MAGI2: variants seen among roughly 807,000 people sequenced by gnomAD.
MAGI2 encodes membrane associated guanylate kinase, WW and PDZ domain containing 2.
A neutral mutation model predicts 133.3 loss-of-function variants in MAGI2; 35 were observed. The observed-to-expected ratio is 0.26, with a 90% CI of 0.20 to 0.35. The LOEUF (loss-of-function observed/expected upper bound fraction) is 0.35. MAGI2 is among the 10% of genes least tolerant of loss of function. The pLI is 1.00. For synonymous variants in MAGI2, 729 were observed against 710.6 expected, an observed-to-expected ratio of 1.03 and a Z score of -0.41; for missense variants, 1,636 against 1,863.4, an observed-to-expected ratio of 0.88 and a Z score of 2.25.
chr7:78,237,997 G>A (rs1790731066), intron 10 of MAGI2, among the ~76,000 whole-genome samples: 1 of 152,020 alleles, frequency 6.6e-6, no homozygotes. Context: ...TACCTTCTCC[G>A]TCCTATTTTA....
intron 2 of MAGI2, among the ~76,000 whole-genome samples, chr7:78,630,615 CTGTGT>C (rs1464924597): frequency 1.9e-4 from 29 of 151,856 alleles, no homozygotes; most frequent in Non-Finnish European, 1.6e-4. Context: ...CTGGGTTTCA[CTGTGT>C]TGGCCAGGCT....
chr7:78,626,893 TATATAAA>T (rs1808422038), intron 3 of MAGI2, among the ~76,000 whole-genome samples: 1 of 150,638 alleles, frequency 6.6e-6, no homozygotes, highest in South Asian at 2.1e-4. Context: ...TAGGTGTATA[TATATAAA>T]ATATAAAATA....
At chr7:78,665,751 G>A (rs904799794) in intron 2 of MAGI2, among the ~76,000 whole-genome samples, 2 of 151,942 alleles carry the variant, frequency 1.3e-5, no homozygotes, top group Non-Finnish European at 1.5e-5. Flanking sequence ...AATAATACAT[G>A]GAAAGAATCA....
At chr7:79,323,333 G>T (rs1466076075) in intron 1 of MAGI2, among the ~76,000 whole-genome samples, 1 of 152,204 alleles carries the variant, frequency 6.6e-6, no homozygotes, top group African/African-American at 2.4e-5. Context: ...CAAGGTGGTA[G>T]AAAATGATAC....
At chr7:79,451,261 T>A (rs1304292064) in intron 1 of MAGI2, among the ~76,000 whole-genome samples, 1 of 152,190 alleles carries the variant, frequency 6.6e-6, no homozygotes, top group Non-Finnish European at 1.5e-5. Context: ...AACGCTTAAC[T>A]TTTGCAGCCA....
At chr7:78,306,084 A>C (rs969070129) in intron 9 of MAGI2, among the ~76,000 whole-genome samples, 1 of 152,186 alleles carries the variant, frequency 6.6e-6, no homozygotes, top group African/African-American at 2.4e-5. Context: ...TAACAAAGAG[A>C]AGACCACCTG....
intron 9 of MAGI2, among the ~76,000 whole-genome samples, chr7:78,329,868 A>C (rs1788990949): frequency 6.6e-6 from 1 of 152,262 alleles, no homozygotes; most frequent in African/African-American, 2.4e-5. Flanking sequence ...TCCCTATTTC[A>C]GCTGCCAGTC....
At chr7:78,909,969 G>C (rs1308266740) in intron 2 of MAGI2, among the ~76,000 whole-genome samples, 1 of 152,198 alleles carries the variant, frequency 6.6e-6, no homozygotes, top group Non-Finnish European at 1.5e-5. Context: ...AAAGGAATGA[G>C]ATCATGGCCT....
rs73703723 is a variant in MAGI2, at chr7:78,195,775, C to A, written c.2080-712G>T. Among the ~76,000 whole-genome samples, 288 of 152,284 alleles carry A rather than the reference C, an allele frequency of 1.9e-3. 2 individuals are homozygous for A. The highest frequency in any genetic ancestry group is 6.5e-3 in the African/African-American group (271 of 41,554). ...TCTTCTTGGATCCTCACCATAGCAC[C>A]ATAAGATAGAGAAGGCAGAGATTAA... On this transcript the variant is annotated intron_variant, in intron 11 of 21. Coordinates refer to ENST00000354212, the MANE Select transcript of MAGI2 (RefSeq NM_012301.4).
intron 7 of MAGI2, chr7:78,349,979 T>G (rs1396842965): frequency 6.6e-6 from 1 of 152,222 alleles, no homozygotes; most frequent in Non-Finnish European, 1.5e-5. Context: ...AACAAGAAGC[T>G]GGGAAGCTAC....
intron 2 of MAGI2, among the ~76,000 whole-genome samples, chr7:78,941,870 G>C (rs1801014372): frequency 6.6e-6 from 1 of 151,052 alleles, no homozygotes; most frequent in Non-Finnish European, 1.5e-5. Flanking sequence ...TGGTCAAATT[G>C]TCACCTTTCA....
At chr7:78,435,960 G>T (rs1465197060) in intron 6 of MAGI2, among the ~76,000 whole-genome samples, 1 of 152,092 alleles carries the variant, frequency 6.6e-6, no homozygotes, top group Non-Finnish European at 1.5e-5. Flanking sequence ...CAGAGGACAA[G>T]GTCAAATGGG....
chr7:79,124,710 C>G (rs1444832719), intron 1 of MAGI2: 1 of 153,088 alleles, frequency 6.5e-6, no homozygotes, highest in Non-Finnish European at 1.5e-5. Flanking sequence ...TCATTAAAGT[C>G]TCTCTGCCTA....
At chr7:79,095,054 C>T (rs1156253594) in intron 1 of MAGI2, among the ~76,000 whole-genome samples, 1 of 152,154 alleles carries the variant, frequency 6.6e-6, no homozygotes, top group African/African-American at 2.4e-5. Context: ...ATAGGAAAGT[C>T]CTAGACGGCA....
At chr7:78,361,100 A>G (rs557194875) in intron 7 of MAGI2, among the ~76,000 whole-genome samples, 6 of 134,032 alleles carry the variant, frequency 4.5e-5, no homozygotes, top group African/African-American at 1.6e-4. Context: ...TGTTAGATTC[A>G]TAAAAAATGC....
At chr7:79,056,687 C>T (rs1813175408) in intron 1 of MAGI2, among the ~76,000 whole-genome samples, 1 of 152,078 alleles carries the variant, frequency 6.6e-6, no homozygotes, top group South Asian at 2.1e-4. Context: ...TTGGCTATGG[C>T]AGCTAAGCTA....
chr7:79,384,095 T>A (rs984144417), intron 1 of MAGI2, among the ~76,000 whole-genome samples: 30 of 141,916 alleles, frequency 2.1e-4, no homozygotes, highest in African/African-American at 8.0e-4. Context: ...CCCAATGTAT[T>A]CACCTAACAT....
At chr7:79,155,217 C>T (rs1823653249) in intron 1 of MAGI2, among the ~76,000 whole-genome samples, 1 of 152,038 alleles carries the variant, frequency 6.6e-6, no homozygotes, top group African/African-American at 2.4e-5. Flanking sequence ...ACAGGTGTAG[C>T]TTTTAATTGA....
chr7:79,059,876 A>G (rs1277669196), intron 1 of MAGI2, among the ~76,000 whole-genome samples: 1 of 152,146 alleles, frequency 6.6e-6, no homozygotes, highest in Non-Finnish European at 1.5e-5. Flanking sequence ...ATTGTAAATT[A>G]AAAATTAATA....
Sources: gnomAD v4.1 joint callset for allele counts (sites outside exome capture counted in the v4.1 genomes callset) on GRCh38, gnomAD v4.1.1 for gene constraint, MANE v1.5 for transcripts, NCBI Gene and HGNC (gene_info 2026-07-23, HGNC 2026-07-21) for gene names.